The following TAPT1 variants were observed in gnomAD, a reference collection of about 807,000 sequenced individuals.
The protein encoded by TAPT1 is transmembrane anterior posterior transformation protein 1 homolog.
Under a neutral mutation model 65.6 loss-of-function variants are expected in TAPT1, and 28 were observed. The observed-to-expected ratio is 0.43, with a 90% CI of 0.32 to 0.59. The LOEUF is 0.59. Ranked by LOEUF, TAPT1 falls within the 20% of genes least tolerant of loss-of-function variation. TAPT1 has a pLI of 0.09. For missense variants in TAPT1, 563 were observed against 679.9 expected (o/e 0.83, Z 1.91); for synonymous variants, 278 against 245.2 (o/e 1.13, Z -1.25).
chr4:16,218,141 G>A (rs1751045899), intron 1 of TAPT1, among the ~76,000 whole-genome samples: 1 of 152,164 alleles, frequency 6.6e-6, no homozygotes, highest in African/African-American at 2.4e-5. Flanking sequence ...AGTGGCTCAC[G>A]CCCGTAATCC....
At chr4:16,173,520 G>A (rs560321534) in intron 11 of TAPT1, among the ~76,000 whole-genome samples, 31 of 151,542 alleles carry the variant, frequency 2.0e-4, no homozygotes, top group Middle Eastern at 3.4e-3. Context: ...CCAGGTTCAC[G>A]CCATTCTCCT....
chr4:16,182,480 G>A (rs375707264), intron 7 of TAPT1, among the ~76,000 whole-genome samples: 29 of 152,234 alleles, frequency 1.9e-4, no homozygotes, highest in South Asian at 1.0e-3. Context: ...AGGTTATTAA[G>A]CTTTTTCCTT....
chr4:16,174,632 TTTG>T, intron 10 of TAPT1, 35 bp downstream of exon 10: 1 of 1,529,252 alleles, frequency 6.5e-7, no homozygotes. Flanking sequence ...AGACTATGCC[TTTG>T]TTAATTTCAG....
intron 1 of TAPT1, among the ~76,000 whole-genome samples, chr4:16,222,608 A>C (rs1751315926): frequency 6.6e-6 from 1 of 152,210 alleles, no homozygotes; most frequent in Non-Finnish European, 1.5e-5. Context: ...GAAGAAACTG[A>C]CAAATTTTCA....
intron 5 of TAPT1, 115 bp downstream of exon 5, chr4:16,188,105 C>T: frequency 1.2e-6 from 1 of 859,396 alleles, no homozygotes. Flanking sequence ...TCACATTAAT[C>T]TTCAGGATAC....
intron 1 of TAPT1, among the ~76,000 whole-genome samples, chr4:16,215,017 C>G (rs753256480): frequency 1.8e-4 from 27 of 152,128 alleles, no homozygotes; most frequent in Non-Finnish European, 1.0e-4. Context: ...CTTGGCCAGG[C>G]ACGGTGGCTC....
At chr4:16,180,909 G>T (rs971202955) in intron 7 of TAPT1, among the ~76,000 whole-genome samples, 2 of 152,160 alleles carry the variant, frequency 1.3e-5, no homozygotes, top group African/African-American at 4.8e-5. Context: ...TTATGAGTGT[G>T]AGCTCAGGGC....
At chr4:16,188,180 C>A (rs761953236) in intron 5 of TAPT1, 40 bp downstream of exon 5, 50 of 1,552,478 alleles carry the variant, frequency 3.2e-5, no homozygotes, top group Non-Finnish European at 3.4e-5. Flanking sequence ...GTAGACTATG[C>A]ATTAACTGTC....
chr4:16,204,768 G>C (rs1300603730), intron 2 of TAPT1, among the ~76,000 whole-genome samples: 4 of 152,252 alleles, frequency 2.6e-5, no homozygotes, highest in African/African-American at 4.8e-5. Context: ...GGTGGAGGCA[G>C]AGCCAGGACT....
chr4:16,174,590 C>A, intron 10 of TAPT1, 80 bp downstream of exon 10: 1 of 1,283,082 alleles, frequency 7.8e-7, no homozygotes, highest in South Asian at 1.4e-5. Flanking sequence ...GTTAATATTT[C>A]ATGCTAAATT....
At chr4:16,196,413 T>A (rs138733314) in intron 3 of TAPT1, among the ~76,000 whole-genome samples, 3 of 152,202 alleles carry the variant, frequency 2.0e-5, no homozygotes, top group African/African-American at 7.2e-5. Flanking sequence ...TAAGCTAACA[T>A]GTGTAAAGAT....
intron 13 of TAPT1, among the ~76,000 whole-genome samples, chr4:16,165,815 T>C (rs1747571197): frequency 6.6e-6 from 1 of 152,152 alleles, no homozygotes; most frequent in Non-Finnish European, 1.5e-5. Flanking sequence ...CAGGTCTCCC[T>C]GCTCACACCA....
At chr4:16,170,391 T>C (rs568451114) in intron 12 of TAPT1, among the ~76,000 whole-genome samples, 46 of 152,314 alleles carry the variant, frequency 3.0e-4, no homozygotes, top group Middle Eastern at 6.8e-3. Flanking sequence ...AAAATGTGAG[T>C]GAAACCTAAA....
chr4:16,200,811 T>C (rs886955121), intron 3 of TAPT1, among the ~76,000 whole-genome samples: 1 of 152,064 alleles, frequency 6.6e-6, no homozygotes, highest in African/African-American at 2.4e-5. Flanking sequence ...TAAAAGAAAA[T>C]AGTTTATTGT....
intron 8 of TAPT1, among the ~76,000 whole-genome samples, chr4:16,178,038 C>G (rs933822898): frequency 1.3e-5 from 2 of 152,298 alleles, no homozygotes; most frequent in East Asian, 3.9e-4. Context: ...GACTATTTGT[C>G]TTTTGGTTTA....
chr4:16,189,887 T>G lies in TAPT1; in HGVS notation c.612+1474A>C, dbSNP rs540601596. 2.6e-5 allele frequency among the ~76,000 whole-genome samples: 4 copies of G among 152,210 alleles called. No individual in the cohort carries two copies. In the East Asian group the frequency reaches 7.7e-4, roughly 29 times the overall value. On this transcript the variant is annotated intron_variant, in intron 4 of 13. Transcript: ENST00000405303. ...TTCCAGTGTCCTAAGATGGAAAGCCTACGAAGGAGAGACTAGTAGGGCAGC... is the reference window on the plus strand; with the variant it reads ...TTCCAGTGTCCTAAGATGGAAAGCCGACGAAGGAGAGACTAGTAGGGCAGC...
intron 2 of TAPT1, among the ~76,000 whole-genome samples, chr4:16,210,439 G>A (rs576337848): frequency 1.3e-5 from 2 of 152,324 alleles, no homozygotes; most frequent in East Asian, 3.9e-4. Flanking sequence ...ACATCCACCA[G>A]AATGTAATCG....
chr4:16,178,396 AAATT>A (rs1288376704), intron 8 of TAPT1, among the ~76,000 whole-genome samples: 13 of 152,378 alleles, frequency 8.5e-5, no homozygotes, highest in African/African-American at 2.9e-4. Flanking sequence ...GAATTAAAAT[AAATT>A]AAGAAGTTAA....
chr4:16,185,664 T>G (rs926968648), intron 7 of TAPT1, among the ~76,000 whole-genome samples: 4 of 152,126 alleles, frequency 2.6e-5, no homozygotes, highest in South Asian at 2.1e-4. Flanking sequence ...CCACTGCGCC[T>G]GGCTGATCAT....
Sources: gnomAD v4.1 joint callset for allele counts (sites outside exome capture counted in the v4.1 genomes callset) on GRCh38, gnomAD v4.1.1 for gene constraint, MANE v1.5 for transcripts, NCBI Gene and HGNC (gene_info 2026-07-23, HGNC 2026-07-21) for gene names.